DTD1: variants seen among roughly 807,000 people sequenced by gnomAD.
DTD1 encodes the protein D-tyrosyl-tRNA deacylase 1 homolog.
In DTD1, 13 loss-of-function variants were observed where a neutral mutation model predicts 25.6. The ratio of observed to expected loss-of-function variants is 0.51; its 90% CI spans 0.33 to 0.81. The LOEUF is 0.81. Ranked by LOEUF, DTD1 falls within the 30% of genes least tolerant of loss-of-function variation. DTD1 has a pLI of 0.02. For synonymous variants in DTD1, 110 were observed against 103.6 expected, an observed-to-expected ratio of 1.06 and a Z score of -0.37; for missense variants, 193 against 266.4, an observed-to-expected ratio of 0.72 and a Z score of 1.92.
intron 1 of DTD1, chr20:18,588,833 A>T (rs1446354912): frequency 1.0e-6 from 1 of 985,320 alleles, no homozygotes; most frequent in Non-Finnish European, 1.2e-6. Context: ...GTTGGGCATC[A>T]GAGGTCCAGA....
At chr20:18,650,934 C>A (rs1254182981) in intron 4 of DTD1, among the ~76,000 whole-genome samples, 1 of 152,110 alleles carries the variant, frequency 6.6e-6, no homozygotes, top group African/African-American at 2.4e-5. Context: ...TACTGGCCTT[C>A]CTAAATATAA....
At chr20:18,648,668 CATT>C (rs2060859555) in intron 4 of DTD1, among the ~76,000 whole-genome samples, 1 of 151,974 alleles carries the variant, frequency 6.6e-6, no homozygotes, top group Non-Finnish European at 1.5e-5. Context: ...TATTTTAAGT[CATT>C]ATAACCAAGG....
chr20:18,727,743 C>A (rs1373716413), intron 4 of DTD1, among the ~76,000 whole-genome samples: 1 of 152,178 alleles, frequency 6.6e-6, no homozygotes, highest in Non-Finnish European at 1.5e-5. Context: ...TAAAGGAGGG[C>A]ACACAGTATG....
At chr20:18,639,182 G>GA (rs56353252) in intron 4 of DTD1, among the ~76,000 whole-genome samples, 59,906 of 118,056 alleles carry the variant, frequency 0.51, 14,117 homozygotes, top group Non-Finnish European at 0.57. Flanking sequence ...TTTTTTTTAA[G>GA]AAAAAAAAAA....
intron 4 of DTD1, among the ~76,000 whole-genome samples, chr20:18,670,042 C>T (rs2060946322): frequency 6.6e-6 from 1 of 152,152 alleles, no homozygotes; most frequent in African/African-American, 2.4e-5. Flanking sequence ...AATTAGCTTC[C>T]TTCTTCCTGC....
intron 4 of DTD1, among the ~76,000 whole-genome samples, chr20:18,743,595 A>G (rs1014057697): frequency 6.0e-5 from 9 of 149,034 alleles, no homozygotes; most frequent in Admixed American, 6.8e-5. Context: ...GATCACTTGA[A>G]CCCAGGAGGT....
intron 3 of DTD1, among the ~76,000 whole-genome samples, chr20:18,597,570 T>C (rs979059939): frequency 2.0e-5 from 3 of 152,242 alleles, no homozygotes; most frequent in Non-Finnish European, 4.4e-5. Flanking sequence ...ATTAATCTAC[T>C]TTCCGTCTCT....
intron 4 of DTD1, among the ~76,000 whole-genome samples, chr20:18,743,843 C>CTACGT (rs2061289081): frequency 6.6e-6 from 1 of 152,160 alleles, no homozygotes; most frequent in African/African-American, 2.4e-5. Context: ...CTCCCTCATA[C>CTACGT]TGTGTGCCAA....
rs1279862225 is a variant in DTD1, at chr20:18,763,878, A to C, written c.*538A>C. 1 of 152,216 alleles carries C rather than the reference A, an allele frequency of 6.6e-6. No homozygotes were observed. The highest frequency in any genetic ancestry group is 1.5e-5 in the Non-Finnish European group (1 of 68,046). 9.4% of individuals were successfully genotyped at this position (152,216 alleles called of 1,614,324 possible). On this transcript the variant is annotated 3_prime_UTR_variant, in exon 6 of 6. Transcript: ENST00000377452. The stretch of plus-strand genomic sequence containing the variant: ...TTTTTTCTAAAAATAAATAATAATA[A>C]AATCCTAAATCTCAACAAACCACTT...
chr20:18,686,919 A>G (rs2061019353), intron 4 of DTD1, among the ~76,000 whole-genome samples: 1 of 152,150 alleles, frequency 6.6e-6, no homozygotes, highest in African/African-American at 2.4e-5. Flanking sequence ...GCCTTCCACA[A>G]ATATTTATTT....
intron 1 of DTD1, among the ~76,000 whole-genome samples, chr20:18,591,641 A>T (rs1184030810): frequency 6.6e-6 from 1 of 152,212 alleles, no homozygotes; most frequent in Non-Finnish European, 1.5e-5. Context: ...CATGTTTCTC[A>T]TATTTTCTAA....
At chr20:18,736,075 C>A (rs1478669884) in intron 4 of DTD1, among the ~76,000 whole-genome samples, 2 of 152,152 alleles carry the variant, frequency 1.3e-5, no homozygotes, top group African/African-American at 4.8e-5. Context: ...TCCTTCCTTT[C>A]AGGGATTTCC....
chr20:18,648,390 A>C (rs1217090080), intron 4 of DTD1, among the ~76,000 whole-genome samples: 1 of 152,226 alleles, frequency 6.6e-6, no homozygotes, highest in African/African-American at 2.4e-5. Context: ...TTGCGTCTGC[A>C]GCTGAGTTTG....
chr20:18,627,022 C>T (rs944114914), intron 3 of DTD1, among the ~76,000 whole-genome samples: 1 of 152,186 alleles, frequency 6.6e-6, no homozygotes, highest in African/African-American at 2.4e-5. Flanking sequence ...GACAAAAGCT[C>T]TGTTGATTTG....
chr20:18,673,855 C>A (rs1358566748), intron 4 of DTD1, among the ~76,000 whole-genome samples: 2 of 150,674 alleles, frequency 1.3e-5, no homozygotes, highest in Admixed American at 1.3e-4. Flanking sequence ...TGATTGTATC[C>A]ATTTTAGAGA....
chr20:18,616,193 G>A (rs1324712824), intron 3 of DTD1, among the ~76,000 whole-genome samples: 1 of 152,132 alleles, frequency 6.6e-6, no homozygotes, highest in Non-Finnish European at 1.5e-5. Context: ...ATGTCCAACT[G>A]ATTTTGGCCA....
intron 4 of DTD1, among the ~76,000 whole-genome samples, chr20:18,666,582 A>G (rs1221006816): frequency 1.3e-5 from 2 of 152,100 alleles, no homozygotes; most frequent in Non-Finnish European, 2.9e-5. Context: ...GTATTTTGTT[A>G]AATCTGGCAA....
At chr20:18,714,900 C>T (rs938601268) in intron 4 of DTD1, among the ~76,000 whole-genome samples, 4 of 152,210 alleles carry the variant, frequency 2.6e-5, no homozygotes, top group African/African-American at 9.6e-5. Context: ...TTCAGCCAAA[C>T]GCCTGTGTTT....
At chr20:18,612,722 A>G (rs1600318126) in intron 3 of DTD1, among the ~76,000 whole-genome samples, 1 of 151,480 alleles carries the variant, frequency 6.6e-6, no homozygotes, top group East Asian at 1.9e-4. Flanking sequence ...GCATTGGCGC[A>G]ATCTGGGCTC....
Sources: allele counts gnomAD v4.1 joint callset (sites outside exome capture counted in the v4.1 genomes callset), GRCh38; gene constraint gnomAD v4.1.1; transcripts MANE v1.5; gene names NCBI Gene and HGNC (gene_info 2026-07-23, HGNC 2026-07-21).